Variants in ZDHHC9 observed in about 807,000 individuals in gnomAD.
ZDHHC9 encodes the protein zDHHC palmitoyltransferase 9.
ZDHHC9 carries 3 observed loss-of-function variants against 26.6 expected under a neutral mutation model. The observed-to-expected ratio is 0.11, with a 90% CI of 0.05 to 0.29. The LOEUF is 0.29. ZDHHC9 is among the 10% of genes least tolerant of loss of function. ZDHHC9 has a pLI of 1.00. For synonymous variants in ZDHHC9, 111 were observed against 109.4 expected (o/e 1.01, Z -0.09); for missense variants, 146 against 296.4 (o/e 0.49, Z 3.73).
chrX:129,841,702 A>G, intron 3 of ZDHHC9, 77 bp downstream of exon 3: 1 of 1,176,602 alleles, frequency 8.5e-7, no homozygotes, highest in East Asian at 3.0e-5. Context: ...GACCAGCCCC[A>G]AACTCCCCAG....
At chrX:129,820,521 G>A (rs1927860106) in intron 5 of ZDHHC9, among the ~76,000 whole-genome samples, 1 of 111,266 alleles carries the variant, frequency 9.0e-6, no homozygotes, top group Non-Finnish European at 1.9e-5. Context: ...AACCCAGGAG[G>A]TTGAGTCTGC....
intron 5 of ZDHHC9, among the ~76,000 whole-genome samples, chrX:129,821,450 G>A (rs977060448): frequency 4.7e-5 from 5 of 107,349 alleles, no homozygotes; most frequent in African/African-American, 6.8e-5. Flanking sequence ...CCACCACCAC[G>A]TCCCCTAATT....
intron 5 of ZDHHC9, among the ~76,000 whole-genome samples, chrX:129,821,904 A>C (rs1927896679): frequency 9.0e-6 from 1 of 110,799 alleles, no homozygotes; most frequent in South Asian, 3.9e-4. Context: ...CCTGGGTGAC[A>C]CAGTGAGACT....
chrX:129,809,737 G>T (rs780779118), intron 10 of ZDHHC9, among the ~76,000 whole-genome samples: 4 of 112,005 alleles, frequency 3.6e-5, no homozygotes, highest in Non-Finnish European at 7.5e-5. Flanking sequence ...AGTGGCTCAC[G>T]CCTGTAATCC....
chrX:129,842,115 C>T lies in ZDHHC9; in HGVS notation c.-135-35G>A, dbSNP rs1425390647. 5.4e-6 allele frequency: 3 copies of T among 558,394 alleles called. No individual in the cohort carries two copies. In the Admixed American group the frequency reaches 1.0e-4, roughly 19 times the overall value. The allele number at this position is 558,394 out of a possible 1,213,427, so 46.0% of individuals were successfully genotyped here. On this transcript the variant is annotated intron_variant, in intron 2 of 10. Transcript: ENST00000357166. ...AGCAGAAAAAGAAAAAAAAATGAGGCAATAATAAGAAAATACAGTTCAACC... is the reference window on the plus strand; with the variant it reads ...AGCAGAAAAAGAAAAAAAAATGAGGTAATAATAAGAAAATACAGTTCAACC...
intron 5 of ZDHHC9, among the ~76,000 whole-genome samples, chrX:129,818,967 T>TA (rs761870307): frequency 2.8e-5 from 3 of 109,017 alleles, no homozygotes; most frequent in Non-Finnish European, 5.7e-5. Flanking sequence ...GGTCAGGAGA[T>TA]AGAGACCATC....
At chrX:129,834,269 A>T (rs1363278306) in intron 3 of ZDHHC9, among the ~76,000 whole-genome samples, 2 of 111,651 alleles carry the variant, frequency 1.8e-5, no homozygotes, top group Non-Finnish European at 3.8e-5. Flanking sequence ...TCTGTTGTTT[A>T]TAAGCCACCC....
intron 3 of ZDHHC9, among the ~76,000 whole-genome samples, chrX:129,832,435 G>A (rs772348467): frequency 9.3e-4 from 103 of 110,655 alleles, no homozygotes; most frequent in African/African-American, 3.2e-3. Context: ...ATCATCTGAG[G>A]TCAGGAGTTC....
intron 3 of ZDHHC9, 49 bp downstream of exon 3, chrX:129,841,730 T>G (rs777606561): frequency 3.8e-5 from 46 of 1,207,470 alleles, no homozygotes; most frequent in Non-Finnish European, 5.2e-5. Context: ...GTTCTTCCCC[T>G]GGACCCAAAG....
At chrX:129,811,355 G>A (rs368221630) in intron 9 of ZDHHC9, 51 bp downstream of exon 9, 2 of 1,052,567 alleles carry the variant, frequency 1.9e-6, no homozygotes, top group African/African-American at 3.7e-5. Context: ...AACAGGATCA[G>A]GTTGAGCTGC....
At chrX:129,829,244 C>T in intron 3 of ZDHHC9, 103 bp from the exon 4 acceptor site, 1 of 935,310 alleles carries the variant, frequency 1.1e-6, no homozygotes, top group Non-Finnish European at 1.5e-6. Context: ...ATCAGCAGCA[C>T]CTCAAGGGCA....
intron 4 of ZDHHC9, among the ~76,000 whole-genome samples, chrX:129,827,541 C>T (rs1253489257): frequency 1.8e-5 from 2 of 110,791 alleles, no homozygotes; most frequent in Non-Finnish European, 3.8e-5. Context: ...CCTCCTAGTA[C>T]TTGCATCATA....
intron 3 of ZDHHC9, among the ~76,000 whole-genome samples, chrX:129,834,657 T>G (rs1242342853): frequency 9.0e-6 from 1 of 111,708 alleles, no homozygotes; most frequent in Non-Finnish European, 1.9e-5. Flanking sequence ...AGTTACAATA[T>G]ACCCCTGCTC....
At position 129,817,032 on chromosome X, in the gene ZDHHC9, G is replaced by A. The variant is rs756070613; in HGVS notation, c.488-2237C>T. On this transcript the variant is annotated intron_variant, in intron 5 of 10. Coordinates refer to ENST00000357166, the MANE Select transcript of ZDHHC9 (RefSeq NM_016032.4). ...TGGGATTACAGGCATCCGCCACCAC[G>A]CCCAGCTAATTTTTGTATTTTTAGC... Among the ~76,000 whole-genome samples the A allele has an allele frequency of 6.1e-4, 67 of 109,749 alleles. 2 individuals are homozygous for A. Among genetic ancestry groups the A allele is most frequent in the African/African-American group, 2.0e-3 (59 of 30,254 alleles).
In ZDHHC9 at chrX:129,805,933, G is replaced by A. The variant is rs1258466254; in HGVS notation, c.*437C>T. On this transcript the variant is annotated 3_prime_UTR_variant, in exon 11 of 11. Coordinates refer to ENST00000357166, the MANE Select transcript of ZDHHC9 (RefSeq NM_016032.4). ...CTGAAGACCCCAAGAACCCAGTTAGGATCCCCTGGCCAGAGGTCTCTGTGA... is the reference window on the plus strand; with the variant it reads ...CTGAAGACCCCAAGAACCCAGTTAGAATCCCCTGGCCAGAGGTCTCTGTGA... 1.4e-5 allele frequency: 2 copies of A among 143,905 alleles called. No individual in the cohort carries two copies. Among genetic ancestry groups the A allele is most frequent in the East Asian group, 3.4e-4 (2 of 5,876 alleles). The allele number at this position is 143,905 out of a possible 1,213,427, so 11.9% of individuals were successfully genotyped here. A position where few individuals can be genotyped will look rare whatever the true frequency, so the allele number is the denominator to read the frequency against.
At chrX:129,824,397 C>T (rs1171011747) in intron 4 of ZDHHC9, among the ~76,000 whole-genome samples, 2 of 111,337 alleles carry the variant, frequency 1.8e-5, no homozygotes, top group East Asian at 2.8e-4. Context: ...TCAAGTGATT[C>T]TCCTGTCTCA....
intron 10 of ZDHHC9, among the ~76,000 whole-genome samples, chrX:129,806,734 T>G (rs1352622722): frequency 8.9e-6 from 1 of 111,869 alleles, no homozygotes; most frequent in Non-Finnish European, 1.9e-5. Context: ...TTATTAATAG[T>G]CATAATAATA....
At position 129,813,866 on chromosome X, in the gene ZDHHC9, G is replaced by A. The variant is rs143825013; in HGVS notation, c.626-141C>T. The A allele has an allele frequency of 8.2e-4, 447 of 542,385 alleles. 3 individuals are homozygous for A. In the East Asian group the frequency reaches 0.015, roughly 18 times the overall value. The allele number at this position is 542,385 out of a possible 1,213,427, so 44.7% of individuals were successfully genotyped here. A position where few individuals can be genotyped will look rare whatever the true frequency, so the allele number is the denominator to read the frequency against. On this transcript the variant is annotated intron_variant, in intron 6 of 10. Coordinates refer to ENST00000357166, the MANE Select transcript of ZDHHC9 (RefSeq NM_016032.4). ...GAGCTAAGCTCTCACTCGGGCAAGG[G>A]TGAAGAGCCTCATCTCCTAGCTGGT... is the stretch of plus-strand genomic sequence containing the variant.
intron 10 of ZDHHC9, among the ~76,000 whole-genome samples, chrX:129,807,377 C>T (rs938321025): frequency 1.7e-4 from 17 of 101,108 alleles, no homozygotes; most frequent in African/African-American, 6.0e-4. Flanking sequence ...ACCCGGGAAG[C>T]GGAGCTTGCA....
Sources: gnomAD v4.1 joint callset for allele counts (sites outside exome capture counted in the v4.1 genomes callset) on GRCh38, gnomAD v4.1.1 for gene constraint, MANE v1.5 for transcripts, NCBI Gene and HGNC (gene_info 2026-07-23, HGNC 2026-07-21) for gene names.